The following ADAMTSL3 variants were observed in gnomAD, a reference collection of about 807,000 sequenced individuals.
ADAMTSL3 encodes the protein ADAMTS-like protein 3.
ADAMTSL3 carries 128 observed loss-of-function variants against 201.7 expected under a neutral mutation model. The ratio of observed to expected loss-of-function variants is 0.63; its 90% CI spans 0.55 to 0.73. ADAMTSL3 has a LOEUF of 0.73. Ranked by LOEUF, ADAMTSL3 falls within the 30% of genes least tolerant of loss-of-function variation. ADAMTSL3 has a pLI of 0.00. For missense variants in ADAMTSL3, 1,990 were observed against 2,119.6 expected (o/e 0.94, Z 1.20); for synonymous variants, 738 against 748.4 (o/e 0.99, Z 0.23).
chr15:83,957,179 T>C (rs1019400556), intron 19 of ADAMTSL3, among the ~76,000 whole-genome samples: 3 of 152,150 alleles, frequency 2.0e-5, no homozygotes, highest in Admixed American at 1.3e-4. Context: ...AGGGGTGTTC[T>C]AGAGTGACAA....
At chr15:83,656,771 C>G (rs958198877) in intron 2 of ADAMTSL3, among the ~76,000 whole-genome samples, 1 of 152,284 alleles carries the variant, frequency 6.6e-6, no homozygotes, top group East Asian at 1.9e-4. Context: ...CCTGTGTACC[C>G]TCAGGGTCTC....
At chr15:83,790,060 C>T (rs1384372809) in intron 4 of ADAMTSL3, among the ~76,000 whole-genome samples, 2 of 151,544 alleles carry the variant, frequency 1.3e-5, no homozygotes, top group Non-Finnish European at 2.9e-5. Flanking sequence ...TTAAATAACA[C>T]CATAATTATT....
In ADAMTSL3 at chr15:83,657,416, T is replaced by G. The variant is rs1595978607; in HGVS notation, c.69+1586T>G. 2.0e-5 allele frequency among the ~76,000 whole-genome samples: 3 copies of G among 152,286 alleles called. No homozygotes were observed. In the South Asian group the frequency reaches 6.2e-4, roughly 32 times the overall value. ...TGCATAGAAGGTCATAAAAGGAGAT[T>G]TCAGACCAGCAGTCTTCATCATTCA... On this transcript the variant is annotated intron_variant, in intron 2 of 29. Coordinates refer to ENST00000286744, the MANE Select transcript of ADAMTSL3 (RefSeq NM_207517.3).
At position 84,039,075 on chromosome 15, in the gene ADAMTSL3, G is replaced by C. The variant is rs1255000151; in HGVS notation, c.*1269G>C. ...AGTGAGTTCAGGCTAGCATTAAATT[G>C]TAAGTTCTGAAGCTGATTTGGTTAT... On this transcript the variant is annotated 3_prime_UTR_variant, in exon 30 of 30. Coordinates refer to ENST00000286744, the MANE Select transcript of ADAMTSL3 (RefSeq NM_207517.3). 1 of 152,486 alleles carries C rather than the reference G, an allele frequency of 6.6e-6. No homozygotes were observed. Among genetic ancestry groups the C allele is most frequent in the African/African-American group, 2.4e-5 (1 of 41,442 alleles). The allele number at this position is 152,486 out of a possible 1,614,324, so 9.4% of individuals were successfully genotyped here. A position where few individuals can be genotyped will look rare whatever the true frequency, so the allele number is the denominator to read the frequency against.
intron 3 of ADAMTSL3, among the ~76,000 whole-genome samples, chr15:83,735,238 A>G (rs1237633345): frequency 6.6e-6 from 1 of 152,158 alleles, no homozygotes; most frequent in Non-Finnish European, 1.5e-5. Flanking sequence ...AATACACACC[A>G]TAGAGCTCTC....
At chr15:84,011,585 G>A (rs1348781038) in intron 23 of ADAMTSL3, among the ~76,000 whole-genome samples, 1 of 152,150 alleles carries the variant, frequency 6.6e-6, no homozygotes, top group African/African-American at 2.4e-5. Flanking sequence ...ATTCAGCATT[G>A]TTCTGGAGAC....
intron 7 of ADAMTSL3, among the ~76,000 whole-genome samples, chr15:83,839,437 C>T (rs1006548346): frequency 2.0e-5 from 3 of 152,006 alleles, no homozygotes; most frequent in African/African-American, 4.8e-5. Flanking sequence ...TCAAAGCCTT[C>T]GTTATTGTGT....
chr15:83,987,280 G>T (rs912223814), intron 21 of ADAMTSL3, among the ~76,000 whole-genome samples: 4 of 152,132 alleles, frequency 2.6e-5, no homozygotes, highest in African/African-American at 9.7e-5. Flanking sequence ...GCCAGCTTTT[G>T]TATATTTCTT....
intron 10 of ADAMTSL3, among the ~76,000 whole-genome samples, chr15:83,888,272 A>G (rs2141879400): frequency 6.6e-6 from 1 of 152,366 alleles, no homozygotes. Flanking sequence ...AATCTGCCTC[A>G]TTTCTTTTGC....
intron 2 of ADAMTSL3, among the ~76,000 whole-genome samples, chr15:83,680,033 T>C (rs78062685): frequency 0.062 from 9,450 of 152,268 alleles, 386 homozygotes; most frequent in Middle Eastern, 0.11. Context: ...TTTCACTCTT[T>C]GCAGGGCAGG....
At chr15:83,730,951 T>A (rs2062256349) in intron 3 of ADAMTSL3, among the ~76,000 whole-genome samples, 1 of 152,080 alleles carries the variant, frequency 6.6e-6, no homozygotes, top group Admixed American at 6.6e-5. Context: ...GATTTTTGGG[T>A]ATGGTGTAAG....
chr15:83,847,483 C>T (rs1021181630), intron 7 of ADAMTSL3, among the ~76,000 whole-genome samples: 4 of 148,952 alleles, frequency 2.7e-5, no homozygotes, highest in African/African-American at 1.0e-4. Context: ...TGTACAATAC[C>T]ATGCCAGGTA....
At position 83,892,767 on chromosome 15, in the gene ADAMTSL3, C is replaced by A; in HGVS notation, c.1346C>A (p.Ser449Tyr). ...QRRSFVCVEESMHGEILQVEE... is the reference protein window; with the variant it reads ...QRRSFVCVEEYMHGEILQVEE... ...CGGAGCTTTGTGTGTGTAGAGGAATCCATGCATGGAGAGATATTGCAGGTG... is the reference window on the plus strand; with the variant it reads ...CGGAGCTTTGTGTGTGTAGAGGAATACATGCATGGAGAGATATTGCAGGTG... The change falls in exon 13 of 30, where the codon TCC becomes TAC. Residue 449 changes from serine (S) to tyrosine (Y), a missense_variant. By Grantham distance (144) the Ser-to-Tyr change is moderately radical. Transcript: ENST00000286744. 6.2e-7 allele frequency: 1 copy of A among 1,613,994 alleles called. No individual in the cohort carries two copies. Among genetic ancestry groups the A allele is most frequent in the East Asian group, 2.2e-5 (1 of 44,870 alleles).
At chr15:83,688,511 C>A in intron 2 of ADAMTSL3, among the ~76,000 whole-genome samples, 1 of 143,308 alleles carries the variant, frequency 7.0e-6, no homozygotes. Flanking sequence ...TGATTGATAA[C>A]AGACTCTTTT....
intron 4 of ADAMTSL3, among the ~76,000 whole-genome samples, chr15:83,775,393 G>A (rs1036032796): frequency 6.6e-6 from 1 of 151,556 alleles, no homozygotes; most frequent in African/African-American, 2.4e-5. Flanking sequence ...GAATTTAGAG[G>A]AATATATTAA....
chr15:83,848,139 GA>G (rs887060486), intron 7 of ADAMTSL3, among the ~76,000 whole-genome samples: 89 of 144,190 alleles, frequency 6.2e-4, no homozygotes, highest in African/African-American at 2.0e-3. Context: ...ATTTTGTTCA[GA>G]AAAAAAAACC....
intron 6 of ADAMTSL3, among the ~76,000 whole-genome samples, chr15:83,826,937 T>C (rs2064037441): frequency 6.6e-6 from 1 of 152,156 alleles, no homozygotes; most frequent in African/African-American, 2.4e-5. Flanking sequence ...TTGTTCCAAG[T>C]CTTTGCTTTT....
At chr15:83,781,810 A>G (rs150253175) in intron 4 of ADAMTSL3, among the ~76,000 whole-genome samples, 1 of 152,250 alleles carries the variant, frequency 6.6e-6, no homozygotes, top group African/African-American at 2.4e-5. Flanking sequence ...GCCAAAAGTC[A>G]TACGAGAAAA....
At chr15:83,959,701 C>A (rs1233048791) in intron 19 of ADAMTSL3, among the ~76,000 whole-genome samples, 2 of 152,208 alleles carry the variant, frequency 1.3e-5, no homozygotes, top group East Asian at 3.8e-4. Flanking sequence ...CCTGAGGAAT[C>A]CACGAGATGT....
Sources: allele counts gnomAD v4.1 joint callset (sites outside exome capture counted in the v4.1 genomes callset), GRCh38; gene constraint gnomAD v4.1.1; transcripts MANE v1.5; gene names NCBI Gene and HGNC (gene_info 2026-07-23, HGNC 2026-07-21).